Variants in TNS3 observed in about 807,000 individuals in gnomAD.
TNS3 encodes tensin-3.
A neutral mutation model predicts 140.9 loss-of-function variants in TNS3; 45 were observed. The ratio of observed to expected loss-of-function variants is 0.32; its 90% confidence interval spans 0.25 to 0.41. TNS3 has a LOEUF of 0.41. Ranked by LOEUF, TNS3 falls within the 10% of genes least tolerant of loss-of-function variation. The pLI, the probability that TNS3 is intolerant of heterozygous loss-of-function variation, is 1.00. For synonymous variants in TNS3, 815 were observed against 788.4 expected (o/e 1.03, Z -0.56); for missense variants, 1,716 against 1,906.7 (o/e 0.90, Z 1.86).
chr7:47,547,132 G>GA (rs1562848685), intron 1 of TNS3, among the ~76,000 whole-genome samples: 1 of 152,216 alleles, frequency 6.6e-6, no homozygotes, highest in African/African-American at 2.4e-5. Context: ...ATAAAGCCAA[G>GA]GAGGCAGTGG....
At chr7:47,499,392 A>G (rs1014427323) in intron 3 of TNS3, among the ~76,000 whole-genome samples, 1 of 152,226 alleles carries the variant, frequency 6.6e-6, no homozygotes, top group Non-Finnish European at 1.5e-5. Context: ...AAAAGAGCAG[A>G]ATTTAAGGAT....
chr7:47,322,091 G>A (rs1787767366), intron 20 of TNS3, among the ~76,000 whole-genome samples: 1 of 151,934 alleles, frequency 6.6e-6, no homozygotes, highest in East Asian at 1.9e-4. Context: ...CCTCAGAACT[G>A]GTCCCTCAGC....
intron 9 of TNS3, among the ~76,000 whole-genome samples, chr7:47,428,084 T>C (rs1169942319): frequency 6.6e-6 from 1 of 152,030 alleles, no homozygotes; most frequent in African/African-American, 2.4e-5. Flanking sequence ...TGGAAGTACT[T>C]AGAATCAATC....
At chr7:47,521,873 C>T (rs1314891494) in intron 2 of TNS3, among the ~76,000 whole-genome samples, 1 of 152,118 alleles carries the variant, frequency 6.6e-6, no homozygotes, top group African/African-American at 2.4e-5. Context: ...TGAGTACAAA[C>T]AGGAGAGGAG....
chr7:47,558,765 C>A, intron 1 of TNS3, among the ~76,000 whole-genome samples: 1 of 152,168 alleles, frequency 6.6e-6, no homozygotes, highest in Non-Finnish European at 1.5e-5. Context: ...TCCCACACAG[C>A]CACCCTATGG....
At chr7:47,388,931 G>A (rs1262418527) in intron 16 of TNS3, among the ~76,000 whole-genome samples, 1 of 150,504 alleles carries the variant, frequency 6.6e-6, no homozygotes, top group Non-Finnish European at 1.5e-5. Flanking sequence ...GGGAGGAGAA[G>A]AGAAGAAGAA....
chr7:47,564,601 A>G (rs1800384947), intron 1 of TNS3, among the ~76,000 whole-genome samples: 1 of 134,318 alleles, frequency 7.4e-6, no homozygotes, highest in South Asian at 2.6e-4. Flanking sequence ...GTGCCATCGC[A>G]CTCCAGCCTG....
chr7:47,436,597 A>C (rs1795193071), intron 7 of TNS3, among the ~76,000 whole-genome samples: 1 of 152,150 alleles, frequency 6.6e-6, no homozygotes, highest in African/African-American at 2.4e-5. Context: ...TTAAAGTAAA[A>C]TTTGAAAAAA....
rs1370257791 is a variant in TNS3, at chr7:47,363,347, G to A, written c.2281+5018C>T. Among the ~76,000 whole-genome samples, 3 of 151,234 alleles carry A rather than the reference G, an allele frequency of 2.0e-5. No homozygotes were observed. In the South Asian group the frequency reaches 6.3e-4, roughly 32 times the overall value. On this transcript the variant is annotated intron_variant, in intron 17 of 30. Transcript: ENST00000311160. ...ACTGTGATCATCACCACCATCAGCA[G>A]CAGCACCACTATTATTATTATGGTG...
chr7:47,456,079 A>G (rs751964250), intron 4 of TNS3, among the ~76,000 whole-genome samples: 1 of 152,224 alleles, frequency 6.6e-6, no homozygotes, highest in East Asian at 1.9e-4. Context: ...CACAATCTCA[A>G]TTGTTTTTAA....
intron 30 of TNS3, 116 bp from the exon 31 acceptor site, chr7:47,278,336 T>A: frequency 8.0e-7 from 1 of 1,247,540 alleles, no homozygotes; most frequent in East Asian, 2.5e-5. Flanking sequence ...CTATCAAAAA[T>A]CAACCACGTG....
At chr7:47,475,716 A>T (rs942166055) in intron 4 of TNS3, among the ~76,000 whole-genome samples, 1 of 152,196 alleles carries the variant, frequency 6.6e-6, no homozygotes, top group Non-Finnish European at 1.5e-5. Context: ...TAAACACAGG[A>T]TGGAAAAAAA....
chr7:47,435,297 G>A lies in TNS3; in HGVS notation c.309C>T (p.Val103=), dbSNP rs749850840. The change falls in exon 8 of 31, where the codon GTC becomes GTT. Residue 103 remains valine, a synonymous_variant. Transcript: ENST00000311160. ...GCGCACTCACCCTGCAGTGAATGAC[G>A]ACCACATGCTGGAGGTTGCTGTTCA... The part of the protein sequence containing the change: ...SWLNSNLQHV[V]VIHCRGGKGR... 5.6e-6 allele frequency: 9 copies of A among 1,613,970 alleles called. No homozygotes were observed. The highest frequency in any genetic ancestry group is 5.0e-5 in the Admixed American group (3 of 60,014).
intron 17 of TNS3, among the ~76,000 whole-genome samples, chr7:47,351,401 C>G (rs976932438): frequency 6.6e-6 from 1 of 151,980 alleles, no homozygotes; most frequent in Admixed American, 6.6e-5. Context: ...CAATGCAAGG[C>G]GTCCTGCAGC....
At chr7:47,324,620 T>G (rs535978410) in intron 20 of TNS3, among the ~76,000 whole-genome samples, 1 of 152,164 alleles carries the variant, frequency 6.6e-6, no homozygotes, top group East Asian at 1.9e-4. Flanking sequence ...TGTGTGGTGG[T>G]GCACATCTGT....
intron 20 of TNS3, among the ~76,000 whole-genome samples, chr7:47,306,352 T>C (rs1786752246): frequency 6.6e-6 from 1 of 152,202 alleles, no homozygotes; most frequent in African/African-American, 2.4e-5. Context: ...TAAAAAAAAT[T>C]GATCTCTACA....
intron 20 of TNS3, among the ~76,000 whole-genome samples, chr7:47,340,585 C>CTTTTTTTTTTTTG (rs1554297322): frequency 7.4e-6 from 1 of 134,868 alleles, no homozygotes; most frequent in African/African-American, 2.8e-5. Flanking sequence ...TCTTTTTTTT[C>CTTTTTTTTTTTTG]TTTTTTTTTT....
Position 47,368,912 on chromosome 7 carries a change from G to C in TNS3, c.1734C>G (p.Ala578=). 1.2e-6 allele frequency: 2 copies of C among 1,613,578 alleles called. No homozygotes were observed. Among genetic ancestry groups the C allele is most frequent in the Non-Finnish European group, 1.7e-6 (2 of 1,179,792 alleles). ...RKPSVSAQMQ[A]YGQSSYSTQT... ...GTGTGGAGTAGCTGCTCTGCCCATA[G>C]GCCTGCATCTGGGCGGACACTGAGG... Residue 578 remains alanine, a synonymous_variant, in exon 17 of 31, where the codon GCC becomes GCG. Transcript: ENST00000311160.
chr7:47,464,333 G>A (rs544365609), intron 4 of TNS3, among the ~76,000 whole-genome samples: 85 of 152,248 alleles, frequency 5.6e-4, no homozygotes, highest in African/African-American at 2.0e-3. Context: ...TCATCTGCCC[G>A]GGATGGAAAG....
Sources: allele counts gnomAD v4.1 joint callset (sites outside exome capture counted in the v4.1 genomes callset), GRCh38; gene constraint gnomAD v4.1.1; transcripts MANE v1.5; gene names NCBI Gene and HGNC (gene_info 2026-07-23, HGNC 2026-07-21).